ZNF462: variants seen among roughly 807,000 people sequenced by gnomAD.
ZNF462 encodes the protein zinc finger PBX1-interacting protein.
Under a neutral mutation model 201.9 loss-of-function variants are expected in ZNF462, and 10 were observed. That is an observed-to-expected ratio of 0.05 (90% CI 0.03 to 0.08). The LOEUF (loss-of-function observed/expected upper bound fraction) is 0.08, where lower values mean the gene tolerates loss of function less well. Ranked by LOEUF, ZNF462 falls within the 10% of genes least tolerant of loss-of-function variation. ZNF462 has a pLI of 1.00. For missense variants in ZNF462, 2,523 were observed against 3,168.3 expected (o/e 0.80, Z 4.89); for synonymous variants, 1,227 against 1,193.3 (o/e 1.03, Z -0.58).
chr9:106,955,606 A>G (rs1453206749), intron 7 of ZNF462, among the ~76,000 whole-genome samples: 2 of 152,138 alleles, frequency 1.3e-5, no homozygotes, highest in Non-Finnish European at 2.9e-5. Flanking sequence ...TTTTATCTGC[A>G]GCATGCAGTG....
intron 1 of ZNF462, among the ~76,000 whole-genome samples, chr9:106,912,985 A>G (rs1224424733): frequency 1.6e-4 from 24 of 152,230 alleles, no homozygotes; most frequent in Admixed American, 1.6e-3. Flanking sequence ...AAGAATAAAA[A>G]AGGCTTTGTG....
At chr9:106,996,138 C>T (rs1260072788) in intron 10 of ZNF462, among the ~76,000 whole-genome samples, 1 of 152,202 alleles carries the variant, frequency 6.6e-6, no homozygotes, top group Admixed American at 6.5e-5. Flanking sequence ...CTACAAAGGA[C>T]ATGAACTCAT....
chr9:106,960,127 C>A (rs1831762986), intron 7 of ZNF462, among the ~76,000 whole-genome samples: 1 of 152,112 alleles, frequency 6.6e-6, no homozygotes. Context: ...CATTCTTGTT[C>A]TTGATCAACC....
rs1169764754 is a variant in ZNF462 at position 106,950,889 on chromosome 9, A to G, written c.6427+11782A>G. On this transcript the variant is annotated intron_variant, in intron 7 of 12. Transcript: ENST00000277225. The surrounding 1 kb of genome is among the most constrained non-coding windows in gnomAD (Gnocchi z 4.1). ...CGGATTGCCTGAAGTCAGGAGTTCAAGACCAGCCTGGCCAACATAGTGAAA... is the reference window on the plus strand; with the variant it reads ...CGGATTGCCTGAAGTCAGGAGTTCAGGACCAGCCTGGCCAACATAGTGAAA... Among the ~76,000 whole-genome samples the G allele has an allele frequency of 6.6e-6, 1 of 152,160 alleles. No individual in the cohort carries two copies. The highest frequency in any genetic ancestry group is 1.5e-5 in the Non-Finnish European group (1 of 68,030).
rs745486044 is a variant in ZNF462, at chr9:106,924,792, C to T, written c.880C>T (p.Pro294Ser). The change falls in exon 3 of 13, where the codon CCC (proline) becomes TCC (serine). Residue 294 changes from proline (P) to serine (S), a missense_variant. Pro to Ser is a moderately conservative substitution (Grantham distance 74, BLOSUM62 -1). Coordinates refer to ENST00000277225, the MANE Select transcript of ZNF462 (RefSeq NM_021224.6). This position sits in a 1 kb window ranked among gnomAD's most constrained non-coding sequence, Gnocchi z 6.2. ...ACCTGATGTGCCGAACAAGAGTGCC[C>T]CCAGCCCCACTTCCAACTCCACCTA... ...NLPDVPNKSAPSPTSNSTYLT... is the reference protein window; with the variant it reads ...NLPDVPNKSASSPTSNSTYLT... 3.1e-6 allele frequency: 5 copies of T among 1,614,008 alleles called. No individual in the cohort carries two copies. Among genetic ancestry groups the T allele is most frequent in the Non-Finnish European group, 4.2e-6 (5 of 1,180,036 alleles).
chr9:106,964,802 A>G (rs1020329052), intron 7 of ZNF462, among the ~76,000 whole-genome samples: 2 of 152,064 alleles, frequency 1.3e-5, no homozygotes, highest in African/African-American at 4.8e-5. Flanking sequence ...GCTCAGTAGC[A>G]AATATAACTG....
intron 1 of ZNF462, among the ~76,000 whole-genome samples, chr9:106,894,452 T>G (rs1828725794): frequency 6.6e-6 from 1 of 152,260 alleles, no homozygotes; most frequent in Non-Finnish European, 1.5e-5. Flanking sequence ...GGGAGGGATC[T>G]CTAACTCTTT....
intron 7 of ZNF462, among the ~76,000 whole-genome samples, chr9:106,945,864 ACT>A (rs1385827444): frequency 1.3e-5 from 2 of 152,112 alleles, no homozygotes; most frequent in African/African-American, 4.8e-5. Context: ...AAATGTTAAG[ACT>A]CTGCCTCAGT....
intron 1 of ZNF462, among the ~76,000 whole-genome samples, chr9:106,888,449 A>G (rs1012867526): frequency 5.9e-5 from 9 of 152,210 alleles, no homozygotes; most frequent in Non-Finnish European, 1.5e-5. Flanking sequence ...GGAGGAAGCT[A>G]TGTTTCACTG....
Position 107,012,582 on chromosome 9 carries a change from C to CA in ZNF462, c.*1558dup, listed in dbSNP as rs201220150. ...TGATTGTGAACAAAGGGTTTCGTTC[C>CA]AAAAAATAGAAAAGAACTTTTCTTG... On this transcript the variant is annotated 3_prime_UTR_variant, in exon 13 of 13. Coordinates refer to ENST00000277225, the MANE Select transcript of ZNF462 (RefSeq NM_021224.6). The CA allele has an allele frequency of 9.7e-3, 1,457 of 150,658 alleles. 14 individuals carry two copies. Among genetic ancestry groups the CA allele is most frequent in the African/African-American group, 0.031 (1,272 of 41,092 alleles). 9.3% of individuals were successfully genotyped at this position (150,658 alleles called of 1,614,324 possible).
intron 1 of ZNF462, among the ~76,000 whole-genome samples, chr9:106,874,532 A>G (rs1357037750): frequency 6.6e-6 from 1 of 152,230 alleles, no homozygotes; most frequent in African/African-American, 2.4e-5. Flanking sequence ...AGGTAAACGT[A>G]GAAAGTTTAT....
At chr9:106,894,548 C>T (rs1018205968) in intron 1 of ZNF462, among the ~76,000 whole-genome samples, 1 of 152,214 alleles carries the variant, frequency 6.6e-6, no homozygotes, top group African/African-American at 2.4e-5. Flanking sequence ...TTAAATCTCT[C>T]ACTCCAGATG....
rs1339960558 is a variant in ZNF462, at chr9:106,966,766, T to G, written c.6428-5239T>G. Among the ~76,000 whole-genome samples, 1 of 152,130 alleles carries G rather than the reference T, an allele frequency of 6.6e-6. No individual in the cohort carries two copies. The highest frequency in any genetic ancestry group is 1.5e-5 in the Non-Finnish European group (1 of 67,994). On this transcript the variant is annotated intron_variant, in intron 7 of 12. Transcript: ENST00000277225. This position sits in a 1 kb window ranked among gnomAD's most constrained non-coding sequence, Gnocchi z 4.4. ...TTGAATCATTTGCCCCTTGGCCACCTCTAAAATTTGCTTGCCTAAAATTCC... is the reference window on the plus strand; with the variant it reads ...TTGAATCATTTGCCCCTTGGCCACCGCTAAAATTTGCTTGCCTAAAATTCC...
rs762467633 is a variant in ZNF462, at chr9:107,006,928, C to T, written c.7190-2617C>T. 7.9e-5 allele frequency among the ~76,000 whole-genome samples: 12 copies of T among 152,078 alleles called. No homozygotes were observed. Among genetic ancestry groups the T allele is most frequent in the African/African-American group, 1.9e-4 (8 of 41,392 alleles). Reference sequence around the variant, plus strand: ...ATTAATCCATTTCTTACAAGGAAAACGGTTGTGATCGGAGAAGCATGGCTT... The same window carrying T: ...ATTAATCCATTTCTTACAAGGAAAATGGTTGTGATCGGAGAAGCATGGCTT... On this transcript the variant is annotated intron_variant, in intron 11 of 12. Coordinates refer to ENST00000277225, the MANE Select transcript of ZNF462 (RefSeq NM_021224.6). The surrounding 1 kb of genome is among the most constrained non-coding windows in gnomAD (Gnocchi z 4.3).
At position 107,009,317 on chromosome 9, in the gene ZNF462, G is replaced by A. The variant is rs1031009550; in HGVS notation, c.7190-228G>A. The A allele has an allele frequency of 2.0e-6, 1 of 509,782 alleles. No individual in the cohort carries two copies. The highest frequency in any genetic ancestry group is 3.1e-5 in the East Asian group (1 of 32,042). The allele number at this position is 509,782 out of a possible 1,614,324, so 31.6% of individuals were successfully genotyped here. A position where few individuals can be genotyped will look rare whatever the true frequency, so the allele number is the denominator to read the frequency against. On this transcript the variant is annotated intron_variant, in intron 11 of 12. Coordinates refer to ENST00000277225, the MANE Select transcript of ZNF462 (RefSeq NM_021224.6). The surrounding 1 kb of genome is among the most constrained non-coding windows in gnomAD (Gnocchi z 6.1). ...ATTTTGTGATAGAAGCATTGGGGAG[G>A]TGAGGCGAAATGAGGTCTTGGGGCC...
chr9:106,877,631 C>G (rs1371032051), intron 1 of ZNF462, among the ~76,000 whole-genome samples: 2 of 152,062 alleles, frequency 1.3e-5, no homozygotes, highest in Admixed American at 6.6e-5. Context: ...CTGCCCACCT[C>G]GGCCTCCCAA....
chr9:107,002,776 G>A (rs541291031), intron 10 of ZNF462, among the ~76,000 whole-genome samples: 8 of 152,324 alleles, frequency 5.3e-5, no homozygotes, highest in African/African-American at 1.7e-4. Context: ...CTAGAGTTAA[G>A]GATCAGATGG....
chr9:106,934,320 G>T (rs1830542920), intron 5 of ZNF462, among the ~76,000 whole-genome samples: 1 of 151,626 alleles, frequency 6.6e-6, no homozygotes, highest in African/African-American at 2.4e-5. Flanking sequence ...AAAAATCCAT[G>T]GGGGCTGGGG....
At chr9:106,877,173 TTGGTGGTGGTGGTGGTG>T (rs906144713) in intron 1 of ZNF462, among the ~76,000 whole-genome samples, 3 of 151,898 alleles carry the variant, frequency 2.0e-5, no homozygotes, top group African/African-American at 7.3e-5. Context: ...GGTAGCTTTA[TTGGTGGTGGTGGTGGTG>T]TGGTGGTGGT....
Sources: allele counts gnomAD v4.1 joint callset (sites outside exome capture counted in the v4.1 genomes callset), GRCh38; gene constraint gnomAD v4.1.1; non-coding constraint Gnocchi (gnomAD v3.1); transcripts MANE v1.5; gene names NCBI Gene and HGNC (gene_info 2026-07-23, HGNC 2026-07-21).